Variants in TJP1 observed in about 807,000 individuals in gnomAD.
TJP1 encodes the protein tight junction protein 1.
In TJP1, 43 loss-of-function variants were observed where a neutral mutation model predicts 194.2. That is an observed-to-expected ratio of 0.22 (90% CI 0.17 to 0.29). The LOEUF (loss-of-function observed/expected upper bound fraction) is 0.29, where lower values mean the gene tolerates loss of function less well. TJP1 is among the 10% of genes least tolerant of loss of function. The pLI is 1.00. For synonymous variants in TJP1, 801 were observed against 779.0 expected (o/e 1.03, Z -0.47); for missense variants, 1,971 against 2,185.7 (o/e 0.90, Z 1.96).
chr15:29,887,591 G>A lies in TJP1; in HGVS notation c.306+68641C>T, dbSNP rs536844827. Among the ~76,000 whole-genome samples the A allele has an allele frequency of 2.3e-3, 344 of 151,924 alleles. 1 individual carries two copies. In the Middle Eastern group the frequency reaches 0.027, roughly 12 times the overall value. ...GCTGGGATTACAGGCATGAGCCACC[G>A]CACCTGGCCTATATCAGATATTTTA... On this transcript the variant is annotated intron_variant, in intron 2 of 28. Transcript: ENST00000356107.
At chr15:29,891,937 GGTCC>G (rs2053323742) in intron 2 of TJP1, among the ~76,000 whole-genome samples, 1 of 152,144 alleles carries the variant, frequency 6.6e-6, no homozygotes, top group African/African-American at 2.4e-5. Flanking sequence ...TCAAGTAAAA[GGTCC>G]GTCATATTAA....
At chr15:29,740,669 G>C (rs1298501937) in intron 10 of TJP1, among the ~76,000 whole-genome samples, 16 of 151,892 alleles carry the variant, frequency 1.1e-4, no homozygotes, top group Admixed American at 1.1e-3. Flanking sequence ...AAACTAATTT[G>C]ATAATCATGA....
intron 1 of TJP1, among the ~76,000 whole-genome samples, chr15:29,814,483 A>G (rs2049763207): frequency 6.6e-6 from 1 of 152,218 alleles, no homozygotes; most frequent in Non-Finnish European, 1.5e-5. Flanking sequence ...AAATTAAGTG[A>G]GCTAATCTTA....
At chr15:29,876,520 CAA>C (rs11396162) in intron 2 of TJP1, among the ~76,000 whole-genome samples, 7 of 136,672 alleles carry the variant, frequency 5.1e-5, no homozygotes, top group Non-Finnish European at 8.0e-5. Flanking sequence ...GACTCTGTCT[CAA>C]AAAAAAAAAA....
At chr15:29,824,439 G>A (rs574054703), upstream of TJP1, among the ~76,000 whole-genome samples, 2 of 122,428 alleles carry the variant, frequency 1.6e-5, no homozygotes, top group Admixed American at 9.3e-5. Context: ...GCGAAACTCC[G>A]TCTCAAATCA....
intron 1 of TJP1, among the ~76,000 whole-genome samples, 176 bp downstream of exon 1, chr15:29,821,826 A>T (rs1470962881): frequency 6.9e-6 from 1 of 144,360 alleles, no homozygotes; most frequent in Non-Finnish European, 1.5e-5. Context: ...CCCCCGCCCG[A>T]GGGGCTCCCC....
intron 2 of TJP1, among the ~76,000 whole-genome samples, chr15:29,941,025 C>T (rs907760805): frequency 5.9e-5 from 9 of 152,174 alleles, no homozygotes; most frequent in African/African-American, 2.2e-4. Flanking sequence ...ATGCCATCAG[C>T]TCTGGAGATT....
chr15:29,958,618 G>A (rs1009838066), intron 1 of TJP1, among the ~76,000 whole-genome samples: 1 of 151,996 alleles, frequency 6.6e-6, no homozygotes, highest in Non-Finnish European at 1.5e-5. Context: ...ATACACACAT[G>A]TACATTAACA....
chr15:29,908,048 CAAAA>C (rs1156724424), intron 2 of TJP1, among the ~76,000 whole-genome samples: 258 of 19,354 alleles, frequency 0.013, no homozygotes, highest in Non-Finnish European at 0.02. Flanking sequence ...CCTTATAAAG[CAAAA>C]AAAAAAAAAA....
At chr15:29,755,441 T>C (rs753062819) in intron 8 of TJP1, among the ~76,000 whole-genome samples, 2 of 152,214 alleles carry the variant, frequency 1.3e-5, no homozygotes, top group Non-Finnish European at 2.9e-5. Context: ...TGATCTTAAC[T>C]TGGCCAAACG....
chr15:29,848,701 A>T (rs2051515835), intron 2 of TJP1, among the ~76,000 whole-genome samples: 1 of 151,942 alleles, frequency 6.6e-6, no homozygotes, highest in East Asian at 1.9e-4. Context: ...TCTACTAAAA[A>T]TACAAAAATT....
intron 1 of TJP1, among the ~76,000 whole-genome samples, chr15:29,965,097 C>T (rs756825758): frequency 2.0e-5 from 3 of 152,220 alleles, no homozygotes; most frequent in Non-Finnish European, 4.4e-5. Context: ...TCCATATAGA[C>T]TGCAGTAAAG....
intron 10 of TJP1, among the ~76,000 whole-genome samples, chr15:29,738,946 AG>A (rs1368529681): frequency 6.7e-6 from 1 of 148,498 alleles, no homozygotes; most frequent in Non-Finnish European, 1.5e-5. Flanking sequence ...CCGAAGGCTG[AG>A]GTGGGAGGAT....
Position 29,742,736 on chromosome 15 carries a change from G to T in TJP1, c.1056C>A (p.Val352=). 6.2e-7 allele frequency: 1 copy of T among 1,606,412 alleles called. No individual in the cohort carries two copies. Among genetic ancestry groups the T allele is most frequent in the Non-Finnish European group, 8.5e-7 (1 of 1,176,962 alleles). ...DEERISKPGA[V]STPVKHADDH... ...CATCAGCATGCTTTACAGGAGTTGA[G>T]ACAGCCCCAGGTTTAGAAATTCTCT... The change falls in exon 9 of 28, where the codon GTC becomes GTA. Residue 352 remains valine (V), a synonymous_variant. Transcript: ENST00000614355.
At chr15:29,776,475 T>C (rs1260389568) in intron 2 of TJP1, among the ~76,000 whole-genome samples, 1 of 152,188 alleles carries the variant, frequency 6.6e-6, no homozygotes, top group Non-Finnish European at 1.5e-5. Flanking sequence ...AGTAGCCTTT[T>C]TAGGTAATTA....
intron 2 of TJP1, among the ~76,000 whole-genome samples, chr15:29,918,892 A>G (rs2054270587): frequency 6.6e-6 from 1 of 152,216 alleles, no homozygotes; most frequent in Non-Finnish European, 1.5e-5. Flanking sequence ...TAGGATTTCT[A>G]GAGAGAAGAA....
chr15:29,934,403 A>G (rs2054818712), intron 2 of TJP1, among the ~76,000 whole-genome samples: 1 of 152,202 alleles, frequency 6.6e-6, no homozygotes, highest in African/African-American at 2.4e-5. Flanking sequence ...CTGTGATTCA[A>G]CAAGGAATGT....
chr15:29,706,659 T>C (rs1270710800), intron 25 of TJP1, among the ~76,000 whole-genome samples: 2 of 152,172 alleles, frequency 1.3e-5, no homozygotes, highest in Non-Finnish European at 2.9e-5. Context: ...AGCCCTGTTC[T>C]TCCCTTCCTG....
chr15:29,730,137 A>G (rs1014323603), intron 15 of TJP1, among the ~76,000 whole-genome samples: 8 of 152,222 alleles, frequency 5.3e-5, no homozygotes, highest in Non-Finnish European at 1.2e-4. Context: ...AAACTTTTCT[A>G]AACAGTATAA....
Sources: allele counts gnomAD v4.1 joint callset (sites outside exome capture counted in the v4.1 genomes callset), GRCh38; gene constraint gnomAD v4.1.1; transcripts MANE v1.5; gene names NCBI Gene and HGNC (gene_info 2026-07-23, HGNC 2026-07-21).